The following LY9 variants were observed in gnomAD, a reference collection of about 807,000 sequenced individuals.
LY9 encodes T-lymphocyte surface antigen Ly-9.
A neutral mutation model predicts 64.6 loss-of-function variants in LY9; 59 were observed. The ratio of observed to expected loss-of-function variants is 0.91; its 90% CI spans 0.74 to 1.13. The LOEUF is 1.13. LY9 is among the 50% of genes most tolerant of loss of function. The pLI is 0.00. For synonymous variants in LY9, 281 were observed against 308.5 expected, an observed-to-expected ratio of 0.91 and a Z score of 0.93; for missense variants, 789 against 797.2, an observed-to-expected ratio of 0.99 and a Z score of 0.12.
At chr1:160,819,254 C>T in intron 6 of LY9, 67 bp from the exon 7 acceptor site, 2 of 1,219,674 alleles carry the variant, frequency 1.6e-6, no homozygotes, top group Non-Finnish European at 2.4e-6. Flanking sequence ...ATTTGACTCT[C>T]ACAGAATAAA....
In LY9 at chr1:160,818,965, G is replaced by A. The variant is rs185672270; in HGVS notation, c.1445-356G>A. ...CAGCTCCTCTAGAATCCCAGTATTG[G>A]AGTGGAAATGAAGTAGTAGCCAAAA... On this transcript the variant is annotated intron_variant, in intron 6 of 9. Transcript: ENST00000263285. 3.9e-5 allele frequency among the ~76,000 whole-genome samples: 6 copies of A among 152,286 alleles called. No individual in the cohort carries two copies. In the East Asian group the frequency reaches 1.2e-3, roughly 29 times the overall value.
intron 1 of LY9, 199 bp from the exon 2 acceptor site, chr1:160,799,554 C>CT: frequency 1.8e-6 from 1 of 545,112 alleles, no homozygotes; most frequent in East Asian, 3.0e-5. Context: ...GTTGTGGCTG[C>CT]TTTTAAGGGA....
chr1:160,796,752 T>A lies in LY9; in HGVS notation c.124+441T>A, dbSNP rs543981468. ...TTTGCATGTGTGCATATTCGTGCAC[T>A]ATGAAGGGGGTAACATTCTAGCCCC... On this transcript the variant is annotated intron_variant, in intron 1 of 9. Coordinates refer to ENST00000263285, the MANE Select transcript of LY9 (RefSeq NM_002348.4). Among the ~76,000 whole-genome samples the A allele has an allele frequency of 5.3e-5, 8 of 152,306 alleles. No individual in the cohort carries two copies. The South Asian group carries it at 1.7e-3, about 32-fold the overall frequency.
In LY9 at chr1:160,805,739, TCTCACACA is replaced by T. The variant is rs1470160310; in HGVS notation, c.454+5659_454+5666del. On this transcript the variant is annotated intron_variant, in intron 2 of 9. Coordinates refer to ENST00000263285, the MANE Select transcript of LY9 (RefSeq NM_002348.4). ...TTCTGTTGCAGTCTCTCTCTCTCTG[TCTCACACA>T]CACACACACACACACACACACACAC... Among the ~76,000 whole-genome samples the T allele has an allele frequency of 4.2e-3, 467 of 111,944 alleles. 4 individuals carry two copies. The highest frequency in any genetic ancestry group is 2.2e-3 in the African/African-American group (59 of 27,030). The allele number at this position is 111,944 out of a possible 152,430, so 73.4% of individuals were successfully genotyped here.
intron 6 of LY9, among the ~76,000 whole-genome samples, 189 bp downstream of exon 6, chr1:160,818,508 G>C (rs923909018): frequency 6.6e-6 from 1 of 152,044 alleles, no homozygotes; most frequent in Admixed American, 6.5e-5. Flanking sequence ...AGTTCAAACT[G>C]GCTTAGACAG....
rs780015716 is a variant in LY9 at position 160,813,919 on chromosome 1, G to T, written c.730+8G>T. On this transcript the variant is annotated splice_region_variant and intron_variant, in intron 3 of 9. Coordinates refer to ENST00000263285, the MANE Select transcript of LY9 (RefSeq NM_002348.4). ...TTGGGCAGTTCTGTACAGGTAACTG[G>T]CTCCAACTTGGCCCTTGAGGGAATT... The T allele has an allele frequency of 1.2e-6, 2 of 1,608,710 alleles. No homozygotes were observed. The highest frequency in any genetic ancestry group is 1.1e-5 in the South Asian group (1 of 90,566).
intron 2 of LY9, among the ~76,000 whole-genome samples, chr1:160,805,944 T>C (rs1158315057): frequency 7.1e-6 from 1 of 141,214 alleles, no homozygotes; most frequent in Non-Finnish European, 1.5e-5. Flanking sequence ...TTTTTTTTAC[T>C]GTTTTTGACT....
chr1:160,817,556 C>A (rs1186820180), intron 5 of LY9, among the ~76,000 whole-genome samples: 1 of 152,172 alleles, frequency 6.6e-6, no homozygotes, highest in Non-Finnish European at 1.5e-5. Flanking sequence ...TGAGTGGGAG[C>A]TAGAAAAGAA....
Position 160,800,198 on chromosome 1 carries a change from T to A in LY9, c.454+116T>A, listed in dbSNP as rs1666312544. On this transcript the variant is annotated intron_variant, in intron 2 of 9. Transcript: ENST00000263285. ...ATAGTGCATACTGATCAAGTCAGAG[T>A]TTTCAGTGTGTCTGCTGCCTGAGTA... 12 of 722,230 alleles carry A rather than the reference T, an allele frequency of 1.7e-5. No individual in the cohort carries two copies. The South Asian group carries it at 2.2e-4, about 14-fold the overall frequency. The allele number at this position is 722,230 out of a possible 1,614,324, so 44.7% of individuals were successfully genotyped here.
In LY9 at chr1:160,819,333, C is replaced by A; in HGVS notation, c.1457C>A (p.Ala486Asp). The change falls in exon 7 of 10, where the codon GCC (alanine) becomes GAC (aspartate). Residue 486 changes from alanine (A) to aspartate (D), a missense_variant. Ala to Asp is a moderately radical substitution (Grantham distance 126). Coordinates refer to ENST00000263285, the MANE Select transcript of LY9 (RefSeq NM_002348.4). ...CTTTGTTTCTCAGGTTCAGTCCCAG[C>A]CTTCTGTTCCAGCCAAGCTGAGGCC... ...WKRKGRCSVPAFCSSQAEAPA... is the reference protein window; with the variant it reads ...WKRKGRCSVPDFCSSQAEAPA... 1.2e-6 allele frequency: 2 copies of A among 1,613,602 alleles called. No homozygotes were observed. Among genetic ancestry groups the A allele is most frequent in the East Asian group, 2.2e-5 (1 of 44,878 alleles).
chr1:160,803,637 A>G (rs77976894), intron 2 of LY9, among the ~76,000 whole-genome samples: 1 of 152,124 alleles, frequency 6.6e-6, no homozygotes, highest in Admixed American at 6.5e-5. Context: ...ACTGATTTCT[A>G]TCCTGCAACT....
At chr1:160,805,608 T>C (rs1240371843) in intron 2 of LY9, among the ~76,000 whole-genome samples, 1 of 152,152 alleles carries the variant, frequency 6.6e-6, no homozygotes, top group African/African-American at 2.4e-5. Flanking sequence ...ATCTGTTAGG[T>C]CCATTTGGTC....
At chr1:160,815,560 T>A (rs1356052866) in intron 4 of LY9, among the ~76,000 whole-genome samples, 1 of 152,108 alleles carries the variant, frequency 6.6e-6, no homozygotes, top group African/African-American at 2.4e-5. Context: ...CTAATTTTTG[T>A]ACTTTTAGTA....
intron 6 of LY9, among the ~76,000 whole-genome samples, chr1:160,818,696 T>C (rs1668143910): frequency 6.6e-6 from 1 of 152,080 alleles, no homozygotes; most frequent in Non-Finnish European, 1.5e-5. Flanking sequence ...AGCTTAACTC[T>C]TCCTACTGCA....
At position 160,823,693 on chromosome 1, in the gene LY9, C is replaced by T. The variant is rs1249452425; in HGVS notation, c.1727C>T (p.Ala576Val). Residue 576 changes from alanine (A) to valine (V), a missense_variant, in exon 8 of 10, where the codon GCC (alanine) becomes GTC (valine). Ala to Val is a moderately conservative substitution (Grantham distance 64). Transcript: ENST00000263285. Reference sequence around the variant, plus strand: ...CAGGAGGGCGCTGGACATGACCCAGCCCCTGAGGGCCAAGCAGACTATGAT... The same window carrying T: ...CAGGAGGGCGCTGGACATGACCCAGTCCCTGAGGGCCAAGCAGACTATGAT... ...VTQEGAGHDPAPEGQADYDPV... is the reference protein window; with the variant it reads ...VTQEGAGHDPVPEGQADYDPV... 6.2e-7 allele frequency: 1 copy of T among 1,613,934 alleles called. No homozygotes were observed. The highest frequency in any genetic ancestry group is 8.5e-7 in the Non-Finnish European group (1 of 1,179,942).
At chr1:160,818,450 G>T in intron 6 of LY9, 131 bp downstream of exon 6, 1 of 635,498 alleles carries the variant, frequency 1.6e-6, no homozygotes. Flanking sequence ...CAGAGCAATG[G>T]GGGAGGGGTG....
At chr1:160,800,111 A>G (rs1186812321) in intron 2 of LY9, 29 bp downstream of exon 2, 1 of 1,554,348 alleles carries the variant, frequency 6.4e-7, no homozygotes, top group East Asian at 2.3e-5. Context: ...CTGTGTTTTG[A>G]TCTTTTCTTT....
intron 2 of LY9, chr1:160,801,972 G>C: frequency 6.3e-7 from 1 of 1,590,800 alleles, no homozygotes. Context: ...CCTCACCGCC[G>C]CGCAGCAGAG....
chr1:160,802,188 G>A (rs1003454119), intron 2 of LY9: 1,145 of 1,219,962 alleles, frequency 9.4e-4, no homozygotes, highest in Non-Finnish European at 1.1e-3. Flanking sequence ...TGCCAGTGGG[G>A]TTTGTGCTTG....
Sources: allele counts gnomAD v4.1 joint callset (sites outside exome capture counted in the v4.1 genomes callset), GRCh38; gene constraint gnomAD v4.1.1; transcripts MANE v1.5; gene names NCBI Gene and HGNC (gene_info 2026-07-23, HGNC 2026-07-21).